RUNX2: variants seen among roughly 807,000 people sequenced by gnomAD.
RUNX2 encodes runt-related transcription factor 2.
In RUNX2, 10 loss-of-function variants were observed where a neutral mutation model predicts 51.7. That is an observed-to-expected ratio of 0.19 (90% CI 0.12 to 0.33). RUNX2 has a LOEUF of 0.33. Ranked by LOEUF, RUNX2 falls within the 10% of genes least tolerant of loss-of-function variation. The pLI is 1.00. For missense variants in RUNX2, 562 were observed against 691.3 expected (o/e 0.81, Z 2.10); for synonymous variants, 276 against 273.6 (o/e 1.01, Z -0.09).
intron 2 of RUNX2, among the ~76,000 whole-genome samples, chr6:45,342,294 G>A (rs780399119): frequency 5.9e-5 from 9 of 151,690 alleles, no homozygotes; most frequent in East Asian, 3.9e-4. Flanking sequence ...ACAGTGTGTC[G>A]CTCTGTCACC....
At chr6:45,424,819 G>T (rs1563080703) in intron 3 of RUNX2, among the ~76,000 whole-genome samples, 3 of 152,108 alleles carry the variant, frequency 2.0e-5, no homozygotes, top group African/African-American at 4.8e-5. Context: ...GTTGGCTCAA[G>T]AAATTTTTTT....
At chr6:45,339,230 A>G (rs1325150853) in intron 2 of RUNX2, among the ~76,000 whole-genome samples, 1 of 152,144 alleles carries the variant, frequency 6.6e-6, no homozygotes, top group Non-Finnish European at 1.5e-5. Context: ...TTCTTATGTT[A>G]CAGTGGTATC....
rs137867106 is a variant in RUNX2 at position 45,474,806 on chromosome 6, T to C, written c.686-17135T>C. Among the ~76,000 whole-genome samples, 692 of 152,336 alleles carry C rather than the reference T, an allele frequency of 4.5e-3. 2 individuals carry two copies. Among genetic ancestry groups the C allele is most frequent in the African/African-American group, 0.015 (638 of 41,574 alleles). ...ATTAAGTAGAATGGTTGCTAGCACA[T>C]AGAACCTTTGGTCACTGAATCACAC... On this transcript the variant is annotated intron_variant, in intron 5 of 8. Coordinates refer to ENST00000647337, the MANE Select transcript of RUNX2 (RefSeq NM_001024630.4).
intron 5 of RUNX2, among the ~76,000 whole-genome samples, chr6:45,461,126 T>C (rs529940282): frequency 1.3e-5 from 2 of 152,224 alleles, no homozygotes; most frequent in East Asian, 1.9e-4. Context: ...AGGATGAATG[T>C]TGGGGAGAAG....
intron 6 of RUNX2, among the ~76,000 whole-genome samples, chr6:45,506,668 G>GTTGTTT: frequency 6.6e-6 from 1 of 152,250 alleles, no homozygotes; most frequent in Non-Finnish European, 1.5e-5. Context: ...TGTTGTTGTT[G>GTTGTTT]TTGTTGAGAC....
At chr6:45,348,915 T>C (rs1791473804) in intron 2 of RUNX2, among the ~76,000 whole-genome samples, 1 of 152,178 alleles carries the variant, frequency 6.6e-6, no homozygotes, top group East Asian at 1.9e-4. Context: ...TACATTTTCC[T>C]TCAGAGTCCT....
chr6:45,443,618 A>T (rs918665524), intron 5 of RUNX2, among the ~76,000 whole-genome samples: 1 of 152,220 alleles, frequency 6.6e-6, no homozygotes, highest in African/African-American at 2.4e-5. Context: ...AATCTAGGGG[A>T]CATTCAAAGA....
intron 7 of RUNX2, among the ~76,000 whole-genome samples, chr6:45,532,236 C>T (rs1801881089): frequency 8.3e-6 from 1 of 120,538 alleles, no homozygotes; most frequent in African/African-American, 3.3e-5. Flanking sequence ...ACTAGTACTG[C>T]TTTTTAATGA....
At chr6:45,393,480 G>A (rs1008129041) in intron 2 of RUNX2, among the ~76,000 whole-genome samples, 1 of 152,020 alleles carries the variant, frequency 6.6e-6, no homozygotes, top group South Asian at 2.1e-4. Flanking sequence ...GCCCAGGCTG[G>A]AGTGCAATGG....
rs1418390681 is a variant in RUNX2 at position 45,548,338 on chromosome 6, G to C, written c.*1033G>C. 1 of 152,532 alleles carries C rather than the reference G, an allele frequency of 6.6e-6. No individual in the cohort carries two copies. Among genetic ancestry groups the C allele is most frequent in the Non-Finnish European group, 1.5e-5 (1 of 68,034 alleles). 9.4% of individuals were successfully genotyped at this position (152,532 alleles called of 1,614,324 possible). ...GGTCTAGAGCCATATCTGAAATATT[G>C]CTAAGCAATTTCAGTTCATCCAGGC... On this transcript the variant is annotated 3_prime_UTR_variant, in exon 9 of 9. Coordinates refer to ENST00000647337, the MANE Select transcript of RUNX2 (RefSeq NM_001024630.4).
chr6:45,503,205 G>A (rs1800850530), intron 6 of RUNX2, among the ~76,000 whole-genome samples: 3 of 152,108 alleles, frequency 2.0e-5, no homozygotes, highest in Non-Finnish European at 4.4e-5. Flanking sequence ...TTTGATTAAT[G>A]CCTGTCTCTC....
intron 7 of RUNX2, among the ~76,000 whole-genome samples, chr6:45,533,888 CTTTTTTTTTTTT>C (rs553154980): frequency 3.7e-5 from 4 of 108,110 alleles, no homozygotes; most frequent in African/African-American, 1.1e-4. Flanking sequence ...CCTGTTGAGA[CTTTTTTTTTTTT>C]TTTTTTTTTT....
chr6:45,378,398 T>C (rs1192884877), intron 2 of RUNX2, among the ~76,000 whole-genome samples: 1 of 152,134 alleles, frequency 6.6e-6, no homozygotes, highest in Non-Finnish European at 1.5e-5. Flanking sequence ...CTTAATGGGA[T>C]TGCGCGTTTA....
At chr6:45,337,074 A>C (rs1223283867) in intron 2 of RUNX2, among the ~76,000 whole-genome samples, 1 of 151,738 alleles carries the variant, frequency 6.6e-6, no homozygotes, top group Middle Eastern at 3.2e-3. Flanking sequence ...TAATATAGTG[A>C]GAAGCCAACC....
Position 45,422,620 on chromosome 6 carries a change from C to A in RUNX2, c.86C>A (p.Pro29His). The A allele has an allele frequency of 6.2e-7, 1 of 1,607,056 alleles. No homozygotes were observed. Among genetic ancestry groups the A allele is most frequent in the Non-Finnish European group, 8.5e-7 (1 of 1,177,542 alleles). ...WDPSTSRRFS[P>H]PSSSLQPGKM... ...CCGAGCACCAGCCGGCGCTTCAGCC[C>A]CCCCTCCAGCAGCCTGCAGCCCGGC... The change falls in exon 3 of 9, where the codon CCC becomes CAC. Residue 29 changes from proline to histidine, a missense_variant. Around this residue, in one of 5 missense-constraint regions of RUNX2, gnomAD observed 153 missense variants for 144.8 expected, o/e 1.06. Coordinates refer to ENST00000647337, the MANE Select transcript of RUNX2 (RefSeq NM_001024630.4).
chr6:45,432,813 AG>A (rs1798580003), intron 4 of RUNX2, among the ~76,000 whole-genome samples: 1 of 152,296 alleles, frequency 6.6e-6, no homozygotes, highest in South Asian at 2.1e-4. Flanking sequence ...GACTTTTACT[AG>A]TTACTCACTA....
chr6:45,411,856 A>C (rs1216435669), intron 2 of RUNX2, among the ~76,000 whole-genome samples: 1 of 152,196 alleles, frequency 6.6e-6, no homozygotes, highest in Non-Finnish European at 1.5e-5. Flanking sequence ...AAACTACTAG[A>C]TGCAACCCAC....
At chr6:45,359,733 A>G (rs1793907734) in intron 2 of RUNX2, among the ~76,000 whole-genome samples, 1 of 152,208 alleles carries the variant, frequency 6.6e-6, no homozygotes, top group Admixed American at 6.5e-5. Context: ...GGAAACTGCA[A>G]CAAATGCTAT....
chr6:45,501,277 C>T (rs1237119466), intron 6 of RUNX2, among the ~76,000 whole-genome samples: 2 of 152,238 alleles, frequency 1.3e-5, no homozygotes, highest in African/African-American at 4.8e-5. Flanking sequence ...CACACTGTGG[C>T]TGTCAGTCCA....
Sources: allele counts gnomAD v4.1 joint callset (sites outside exome capture counted in the v4.1 genomes callset), GRCh38; gene constraint gnomAD v4.1.1; regional missense constraint gnomAD v4.1.1; transcripts MANE v1.5; gene names NCBI Gene and HGNC (gene_info 2026-07-23, HGNC 2026-07-21).